The following TRIM22 variants were observed in gnomAD, a reference collection of about 807,000 sequenced individuals.
TRIM22 encodes the protein E3 ubiquitin-protein ligase TRIM22.
A neutral mutation model predicts 53.6 loss-of-function variants in TRIM22; 45 were observed. That is an observed-to-expected ratio of 0.84 (90% CI 0.66 to 1.08). The LOEUF is 1.08. TRIM22 is among the 50% of genes least tolerant of loss of function. The pLI, the probability that TRIM22 is intolerant of heterozygous loss-of-function variation, is 0.00. For missense variants in TRIM22, 616 were observed against 590.9 expected, an observed-to-expected ratio of 1.04 and a Z score of -0.44; for synonymous variants, 225 against 216.6, an observed-to-expected ratio of 1.04 and a Z score of -0.34.
At chr11:5,705,513 A>G (rs1293412827) in intron 4 of TRIM22, among the ~76,000 whole-genome samples, 1 of 152,200 alleles carries the variant, frequency 6.6e-6, no homozygotes, top group Non-Finnish European at 1.5e-5. Flanking sequence ...TATTACAACA[A>G]CAAAAAAGCT....
intron 5 of TRIM22, 55 bp downstream of exon 5, chr11:5,706,671 T>A (rs2134182950): frequency 1.1e-5 from 16 of 1,518,096 alleles, no homozygotes; most frequent in Non-Finnish European, 7.2e-6. Flanking sequence ...ATTATAGTCC[T>A]GAGAGATATC....
rs1853307472 is a variant in TRIM22, at chr11:5,698,427, A to G, written c.632A>G (p.Asn211Ser). 1.2e-6 allele frequency: 2 copies of G among 1,614,092 alleles called. No homozygotes were observed. The highest frequency in any genetic ancestry group is 1.7e-6 in the Non-Finnish European group (2 of 1,180,038). ...CAAAAGCTGGAGGAAGGTGAGGTGA[A>G]TGTGCTGGATAACCTGGCAGCAGCT... ...ELQKLEEGEV[N>S]VLDNLAAATD... The change falls in exon 4 of 8, where the codon AAT becomes AGT. Residue 211 changes from asparagine (N) to serine (S), a missense_variant. By Grantham distance (46) the Asn-to-Ser change is conservative (BLOSUM62 1). Transcript: ENST00000379965.
intron 5 of TRIM22, among the ~76,000 whole-genome samples, 179 bp from the exon 6 acceptor site, chr11:5,707,994 G>C (rs1423128858): frequency 6.6e-6 from 1 of 152,180 alleles, no homozygotes; most frequent in African/African-American, 2.4e-5. Context: ...ATTACACACA[G>C]ACAGGTAGAC....
In TRIM22 at chr11:5,698,656, G is replaced by A. The variant is rs116562936; in HGVS notation, c.750+111G>A. On this transcript the variant is annotated intron_variant, in intron 4 of 7. Transcript: ENST00000379965. ...TTCTTCTGTGTGGTGACATGAAATGGTTCCTTTGGCCCGGCATGCCCCTTT... is the reference window on the plus strand; with the variant it reads ...TTCTTCTGTGTGGTGACATGAAATGATTCCTTTGGCCCGGCATGCCCCTTT... 8.4e-4 allele frequency: 762 copies of A among 906,718 alleles called. 6 individuals are homozygous for A. In the African/African-American group the frequency reaches 0.011, roughly 13 times the overall value. 56.2% of individuals were successfully genotyped at this position (906,718 alleles called of 1,614,324 possible).
intron 1 of TRIM22, among the ~76,000 whole-genome samples, 188 bp downstream of exon 1, chr11:5,690,087 G>A (rs978543315): frequency 1.2e-4 from 18 of 152,236 alleles, no homozygotes; most frequent in Admixed American, 5.2e-4. Flanking sequence ...AACCTTTAAA[G>A]AAGAGAGGTT....
chr11:5,707,752 C>T (rs1001960564), intron 5 of TRIM22, among the ~76,000 whole-genome samples: 11 of 152,134 alleles, frequency 7.2e-5, no homozygotes, highest in South Asian at 6.2e-4. Context: ...GCAGAGGTTG[C>T]AGTGAGCCGA....
At position 5,708,570 on chromosome 11, in the gene TRIM22, G is replaced by A. The variant is rs368072028; in HGVS notation, c.875-7G>A. The A allele has an allele frequency of 3.3e-5, 53 of 1,602,250 alleles. No homozygotes were observed. The highest frequency in any genetic ancestry group is 2.0e-4 in the East Asian group (9 of 44,834). ...TAACAACATCACTGAAACTTTTGTC[G>A]TTTCAGAGCTGACAGATGTCCAGTA... On this transcript the variant is annotated splice_region_variant and splice_polypyrimidine_tract_variant and intron_variant, in intron 6 of 7. Coordinates refer to ENST00000379965, the MANE Select transcript of TRIM22 (RefSeq NM_006074.5).
In TRIM22 at chr11:5,708,904, G is replaced by A. The variant is rs146730846; in HGVS notation, c.902-149G>A. The A allele has an allele frequency of 2.4e-3, 1,664 of 681,604 alleles. 4 individuals carry two copies. Among genetic ancestry groups the A allele is most frequent in the Non-Finnish European group, 3.4e-3 (1,376 of 406,806 alleles). 42.2% of individuals were successfully genotyped at this position (681,604 alleles called of 1,614,324 possible). ...GCTAATTTTTATAGTCTTACACCCT[G>A]TATTTCTTAAGGGTCCTACTAACCT... On this transcript the variant is annotated intron_variant, in intron 7 of 7. Transcript: ENST00000379965.
At chr11:5,697,806 C>G in intron 3 of TRIM22, 1 of 167,050 alleles carries the variant, frequency 6.0e-6, no homozygotes, top group East Asian at 1.6e-4. Flanking sequence ...CTGGTTCAAA[C>G]GATTCTCCTG....
chr11:5,708,087 T>A (rs1320843982), intron 5 of TRIM22, 86 bp from the exon 6 acceptor site: 1 of 1,101,918 alleles, frequency 9.1e-7, no homozygotes, highest in Non-Finnish European at 1.4e-6. Context: ...CGTCAGCAAG[T>A]ATGGTGAAAG....
At chr11:5,708,548 C>A (rs368672170) in intron 6 of TRIM22, 29 bp from the exon 7 acceptor site, 428 of 1,595,618 alleles carry the variant, frequency 2.7e-4, no homozygotes, top group Non-Finnish European at 3.3e-4. Flanking sequence ...TTGCTTCTAA[C>A]AACATCACTG....
chr11:5,695,458 C>A (rs921939366), intron 1 of TRIM22, among the ~76,000 whole-genome samples: 1 of 151,770 alleles, frequency 6.6e-6, no homozygotes, highest in Non-Finnish European at 1.5e-5. Context: ...AATTCAGACA[C>A]CAAAGACATA....
chr11:5,709,036 G>A lies in TRIM22; in HGVS notation c.902-17G>A, dbSNP rs1853512321. ...CTATCCCATATCCTTCACTTGACTT[G>A]GTAATTTTTTCTACAGTGGACGTGA... is the stretch of plus-strand genomic sequence containing the variant. On this transcript the variant is annotated splice_polypyrimidine_tract_variant and intron_variant, in intron 7 of 7. Transcript: ENST00000379965. 1 of 1,594,910 alleles carries A rather than the reference G, an allele frequency of 6.3e-7. No individual in the cohort carries two copies. Among genetic ancestry groups the A allele is most frequent in the Non-Finnish European group, 8.6e-7 (1 of 1,164,234 alleles).
At chr11:5,707,806 C>T (rs953575326) in intron 5 of TRIM22, among the ~76,000 whole-genome samples, 1 of 146,864 alleles carries the variant, frequency 6.8e-6, no homozygotes, top group African/African-American at 2.6e-5. Context: ...AGTGAGACCC[C>T]ATCTCAAAAC....
Position 5,703,064 on chromosome 11 carries a change from T to G in TRIM22, c.751-3530T>G, listed in dbSNP as rs572829577. On this transcript the variant is annotated intron_variant, in intron 4 of 7. Transcript: ENST00000379965. ...GTTAATTTTAAAACTGCAACTTTTA[T>G]TTTAGATACAGGGAGTATATGTGCA... 3.3e-5 allele frequency among the ~76,000 whole-genome samples: 5 copies of G among 152,348 alleles called. No homozygotes were observed. In the East Asian group the frequency reaches 7.7e-4, roughly 23 times the overall value.
chr11:5,703,393 T>TC (rs1853403815), intron 4 of TRIM22, among the ~76,000 whole-genome samples: 1 of 52,206 alleles, frequency 1.9e-5, no homozygotes, highest in African/African-American at 4.8e-5. Flanking sequence ...TTTTTTTTTC[T>TC]TTTTTTTTTT....
At chr11:5,708,641 GA>G in intron 7 of TRIM22, 38 bp downstream of exon 7, 1 of 1,590,206 alleles carries the variant, frequency 6.3e-7, no homozygotes, top group Non-Finnish European at 8.6e-7. Flanking sequence ...CTTCCTTTCA[GA>G]ATTGTGGTTA....
At chr11:5,705,806 G>C (rs560817563) in intron 4 of TRIM22, among the ~76,000 whole-genome samples, 1 of 152,234 alleles carries the variant, frequency 6.6e-6, no homozygotes, top group African/African-American at 2.4e-5. Flanking sequence ...GGGACAGTGG[G>C]GTGTAAATAG....
rs575251098 is a variant in TRIM22 at position 5,703,308 on chromosome 11, A to C, written c.751-3286A>C. ...TGAGAACATGCAGTGCTTGATTTTC[A>C]GTTCCCGTGTTAATTTGCTTAGGAT... On this transcript the variant is annotated intron_variant, in intron 4 of 7. Coordinates refer to ENST00000379965, the MANE Select transcript of TRIM22 (RefSeq NM_006074.5). Among the ~76,000 whole-genome samples, 14 of 152,228 alleles carry C rather than the reference A, an allele frequency of 9.2e-5. No individual in the cohort carries two copies. In the East Asian group the frequency reaches 2.5e-3, roughly 27 times the overall value.
Sources: allele counts gnomAD v4.1 joint callset (sites outside exome capture counted in the v4.1 genomes callset), GRCh38; gene constraint gnomAD v4.1.1; transcripts MANE v1.5; gene names NCBI Gene and HGNC (gene_info 2026-07-23, HGNC 2026-07-21).